GPC6: variants seen among roughly 807,000 people sequenced by gnomAD.
GPC6 encodes the protein glypican-6.
GPC6 carries 14 observed loss-of-function variants against 55.2 expected under a neutral mutation model. The ratio of observed to expected loss-of-function variants is 0.25; its 90% CI spans 0.17 to 0.40. The LOEUF (loss-of-function observed/expected upper bound fraction) is 0.40. GPC6 is among the 10% of genes least tolerant of loss of function. GPC6 has a pLI of 1.00. For synonymous variants in GPC6, 278 were observed against 259.6 expected, an observed-to-expected ratio of 1.07 and a Z score of -0.68; for missense variants, 641 against 708.5, an observed-to-expected ratio of 0.90 and a Z score of 1.08.
intron 4 of GPC6, among the ~76,000 whole-genome samples, chr13:94,259,972 G>C (rs575013626): frequency 6.6e-6 from 1 of 152,090 alleles, no homozygotes; most frequent in Admixed American, 6.5e-5. Flanking sequence ...TCTACTTTTT[G>C]GCTATTGTGA....
chr13:94,325,905 A>T lies in GPC6; in HGVS notation c.1152+19782A>T, dbSNP rs148773805. On this transcript the variant is annotated intron_variant, in intron 6 of 8. Transcript: ENST00000377047. ...AGCCTGATCCTTAGAAGCTCTGACC[A>T]TGACCTCCTTCCCTCAAAGACGCTC... 1.3e-3 allele frequency among the ~76,000 whole-genome samples: 200 copies of T among 152,292 alleles called. 2 individuals carry two copies. Among genetic ancestry groups the T allele is most frequent in the South Asian group, 8.1e-3 (39 of 4,830 alleles).
At chr13:93,489,998 C>T (rs1251689129) in intron 1 of GPC6, among the ~76,000 whole-genome samples, 1 of 150,878 alleles carries the variant, frequency 6.6e-6, no homozygotes, top group African/African-American at 2.4e-5. Context: ...GAACTTCCAA[C>T]ACTATGTTGA....
At position 93,511,338 on chromosome 13, in the gene GPC6, C is replaced by T. The variant is rs530077477; in HGVS notation, c.161-33925C>T. On this transcript the variant is annotated intron_variant, in intron 1 of 8. Coordinates refer to ENST00000377047, the MANE Select transcript of GPC6 (RefSeq NM_005708.5). ...ATAGTTTCAGGTCTTATATTTAAGTCTTTATTTTGAGTTGATTTTTGTACA... is the reference window on the plus strand; with the variant it reads ...ATAGTTTCAGGTCTTATATTTAAGTTTTTATTTTGAGTTGATTTTTGTACA... 2.2e-3 allele frequency among the ~76,000 whole-genome samples: 327 copies of T among 151,534 alleles called. 2 individuals are homozygous for T. In the Middle Eastern group the frequency reaches 0.051, roughly 24 times the overall value.
At chr13:93,928,282 A>T (rs1386305263) in intron 3 of GPC6, among the ~76,000 whole-genome samples, 2 of 152,220 alleles carry the variant, frequency 1.3e-5, no homozygotes, top group East Asian at 1.9e-4. Context: ...TTGAAAGAGC[A>T]GTGTGGGAAT....
chr13:94,364,525 C>T (rs1275821092), intron 6 of GPC6, among the ~76,000 whole-genome samples: 1 of 152,186 alleles, frequency 6.6e-6, no homozygotes, highest in Non-Finnish European at 1.5e-5. Flanking sequence ...AGTGCCCTAG[C>T]AATGTATGAA....
intron 1 of GPC6, among the ~76,000 whole-genome samples, chr13:93,310,634 G>T (rs2139107750): frequency 6.6e-6 from 1 of 152,212 alleles, no homozygotes; most frequent in South Asian, 2.1e-4. Flanking sequence ...TTCCGGTTTT[G>T]GAAAGTTAGT....
In GPC6 at chr13:93,281,851, A is replaced by G. The variant is rs1877961983; in HGVS notation, c.160+54235A>G. On this transcript the variant is annotated intron_variant, in intron 1 of 8. Coordinates refer to ENST00000377047, the MANE Select transcript of GPC6 (RefSeq NM_005708.5). ...ACAAAAAAGAAAGAACAGAACTCCAATATGCACCTATTCTGAAACCACTGA... is the reference window on the plus strand; with the variant it reads ...ACAAAAAAGAAAGAACAGAACTCCAGTATGCACCTATTCTGAAACCACTGA... Among the ~76,000 whole-genome samples the G allele has an allele frequency of 2.6e-5, 4 of 152,146 alleles. No individual in the cohort carries two copies. The South Asian group carries it at 8.3e-4, about 32-fold the overall frequency.
At chr13:94,271,432 G>C (rs56773439) in intron 4 of GPC6, among the ~76,000 whole-genome samples, 1 of 151,284 alleles carries the variant, frequency 6.6e-6, no homozygotes, top group Non-Finnish European at 1.5e-5. Context: ...ACTTCTCTGA[G>C]ACTTCTGCAG....
chr13:94,400,885 T>C (rs77863411), intron 8 of GPC6, among the ~76,000 whole-genome samples: 8,959 of 152,328 alleles, frequency 0.059, 376 homozygotes, highest in Middle Eastern at 0.12. Flanking sequence ...ATAGATGTTA[T>C]TACTCTCATT....
At chr13:93,798,088 G>C (rs1566541109) in intron 2 of GPC6, among the ~76,000 whole-genome samples, 1 of 152,146 alleles carries the variant, frequency 6.6e-6, no homozygotes, top group East Asian at 1.9e-4. Flanking sequence ...GGGCAAGCTA[G>C]AGTGTGGAAG....
At chr13:93,510,634 C>G (rs1243976391) in intron 1 of GPC6, among the ~76,000 whole-genome samples, 1 of 151,920 alleles carries the variant, frequency 6.6e-6, no homozygotes, top group Non-Finnish European at 1.5e-5. Context: ...ATGCAGGTAT[C>G]CTTTGATGTT....
Position 94,360,076 on chromosome 13 carries a change from G to T in GPC6, c.1153-22338G>T, listed in dbSNP as rs541028081. 4.1e-4 allele frequency among the ~76,000 whole-genome samples: 62 copies of T among 152,294 alleles called. No homozygotes were observed. The South Asian group carries it at 4.8e-3, about 12-fold the overall frequency. ...TTCCAGCCTACATATGCAGCCCTAT[G>T]GGAAAACTCTCCCTTTGTCATGGAA... On this transcript the variant is annotated intron_variant, in intron 6 of 8. Coordinates refer to ENST00000377047, the MANE Select transcript of GPC6 (RefSeq NM_005708.5).
At chr13:93,461,676 G>T (rs1158875045) in intron 1 of GPC6, among the ~76,000 whole-genome samples, 1 of 151,992 alleles carries the variant, frequency 6.6e-6, no homozygotes, top group East Asian at 1.9e-4. Context: ...GGGGGTTGGG[G>T]GGGGGTGTTG....
intron 2 of GPC6, among the ~76,000 whole-genome samples, chr13:93,751,820 G>T (rs545033080): frequency 1.2e-4 from 19 of 152,040 alleles, no homozygotes; most frequent in Non-Finnish European, 2.4e-4. Context: ...GCTCCACTAT[G>T]CTTTTAGTGG....
At chr13:94,084,828 A>G (rs932692403) in intron 4 of GPC6, among the ~76,000 whole-genome samples, 2 of 152,194 alleles carry the variant, frequency 1.3e-5, no homozygotes, top group Admixed American at 1.3e-4. Context: ...TGAAGATGCT[A>G]TGTTGAAAAT....
intron 1 of GPC6, among the ~76,000 whole-genome samples, chr13:93,436,991 C>G (rs1488385313): frequency 6.6e-6 from 1 of 151,620 alleles, no homozygotes; most frequent in Non-Finnish European, 1.5e-5. Flanking sequence ...ATTTGTGTCT[C>G]TGTGTCACGT....
intron 4 of GPC6, among the ~76,000 whole-genome samples, chr13:94,066,794 AC>A (rs1408824901): frequency 6.6e-6 from 1 of 152,186 alleles, no homozygotes; most frequent in Non-Finnish European, 1.5e-5. Context: ...TTATTTAACT[AC>A]CAACCACTTT....
At chr13:93,393,123 TATATAGAGAGAGAGAG>T (rs1395732273) in intron 1 of GPC6, among the ~76,000 whole-genome samples, 39 of 94,668 alleles carry the variant, frequency 4.1e-4, no homozygotes, top group African/African-American at 1.3e-3. Context: ...TATATATATA[TATATAGAGAGAGAGAG>T]AGAGAGAGAG....
At chr13:93,266,663 G>T (rs1877335647) in intron 1 of GPC6, among the ~76,000 whole-genome samples, 1 of 152,174 alleles carries the variant, frequency 6.6e-6, no homozygotes. Context: ...TATACAGTTT[G>T]TATTAAGGTT....
Sources: allele counts gnomAD v4.1 joint callset (sites outside exome capture counted in the v4.1 genomes callset), GRCh38; gene constraint gnomAD v4.1.1; transcripts MANE v1.5; gene names NCBI Gene and HGNC (gene_info 2026-07-23, HGNC 2026-07-21).